NAV2: variants seen among roughly 807,000 people sequenced by gnomAD.
NAV2 encodes the protein helicase, APC down-regulated 1.
A neutral mutation model predicts 223.2 loss-of-function variants in NAV2; 54 were observed. The ratio of observed to expected loss-of-function variants is 0.24; its 90% CI spans 0.19 to 0.30. NAV2 has a LOEUF of 0.30. NAV2 is among the 10% of genes least tolerant of loss of function. The pLI is 1.00. For synonymous variants in NAV2, 1,279 were observed against 1,239.3 expected, an observed-to-expected ratio of 1.03 and a Z score of -0.67; for missense variants, 2,806 against 3,147.5, an observed-to-expected ratio of 0.89 and a Z score of 2.60.
chr11:19,630,143 C>G (rs1450148364), intron 1 of NAV2, among the ~76,000 whole-genome samples: 1 of 152,116 alleles, frequency 6.6e-6, no homozygotes, highest in Non-Finnish European at 1.5e-5. Flanking sequence ...GTATACACAG[C>G]CTGGCACAAA....
intron 1 of NAV2, among the ~76,000 whole-genome samples, chr11:19,615,745 C>T (rs972804173): frequency 3.9e-5 from 6 of 152,148 alleles, no homozygotes; most frequent in African/African-American, 7.2e-5. Context: ...TGAGCTTAAT[C>T]GTAGCAGCCT....
At chr11:20,076,505 C>A (rs1255476409) in intron 22 of NAV2, among the ~76,000 whole-genome samples, 2 of 152,208 alleles carry the variant, frequency 1.3e-5, no homozygotes, top group Non-Finnish European at 2.9e-5. Flanking sequence ...TTAGAAGATC[C>A]TAGCTGCCTA....
rs71050685 is a variant in NAV2, at chr11:19,776,632, ATGTGTG to A, written c.268-55813_268-55808del. ...TGGTTAGAGTTGTGGGGGTCAGAAA[ATGTGTG>A]TGTGTGTGTGTGTGTGTGTGTGTGT... is the stretch of plus-strand genomic sequence containing the variant. On this transcript the variant is annotated intron_variant, in intron 1 of 37. Coordinates refer to ENST00000349880, the MANE Select transcript of NAV2 (RefSeq NM_145117.5). 4.3e-3 allele frequency among the ~76,000 whole-genome samples: 281 copies of A among 64,646 alleles called. 2 individuals carry two copies. Among genetic ancestry groups the A allele is most frequent in the African/African-American group, 0.01 (159 of 15,214 alleles). 42.4% of individuals were successfully genotyped at this position (64,646 alleles called of 152,430 possible). A position where few individuals can be genotyped will look rare whatever the true frequency, so the allele number is the denominator to read the frequency against.
intron 1 of NAV2, among the ~76,000 whole-genome samples, chr11:19,552,005 G>A (rs546014012): frequency 1.3e-5 from 2 of 152,110 alleles, no homozygotes; most frequent in East Asian, 3.9e-4. Flanking sequence ...AGGCCTGCAG[G>A]CTCCCTTCCC....
intron 1 of NAV2, among the ~76,000 whole-genome samples, chr11:19,689,271 A>G (rs1348672347): frequency 6.6e-6 from 1 of 152,232 alleles, no homozygotes; most frequent in Non-Finnish European, 1.5e-5. Context: ...AGTGCAAATT[A>G]TATTCAAGGG....
In NAV2 at chr11:20,119,060, T is replaced by C. The variant is rs1003977003; in HGVS notation, c.*802T>C. 1 of 99,786 alleles carries C rather than the reference T, an allele frequency of 1.0e-5. No homozygotes were observed. Among genetic ancestry groups the C allele is most frequent in the African/African-American group, 3.0e-5 (1 of 32,866 alleles). 6.2% of individuals were successfully genotyped at this position (99,786 alleles called of 1,614,324 possible). On this transcript the variant is annotated 3_prime_UTR_variant, in exon 38 of 38. Transcript: ENST00000349880. ...TCTTTCCTTCTGATATATGAATGAA[T>C]CAGGTTTTTTTTTTTTTTTTTCTGC...
Position 19,986,312 on chromosome 11 carries a change from A to G in NAV2, c.2768+2065A>G, listed in dbSNP as rs551637624. ...TCTCTCCAGACTGGAATGCTCCGATATGATCATTTATTTAAAACTGAATGA... is the reference window on the plus strand; with the variant it reads ...TCTCTCCAGACTGGAATGCTCCGATGTGATCATTTATTTAAAACTGAATGA... On this transcript the variant is annotated intron_variant, in intron 11 of 37. Coordinates refer to ENST00000349880, the MANE Select transcript of NAV2 (RefSeq NM_145117.5). 5.3e-5 allele frequency among the ~76,000 whole-genome samples: 8 copies of G among 152,306 alleles called. No individual in the cohort carries two copies. In the East Asian group the frequency reaches 1.5e-3, roughly 29 times the overall value.
At chr11:19,846,600 T>C (rs1012231205) in intron 3 of NAV2, among the ~76,000 whole-genome samples, 42 of 151,464 alleles carry the variant, frequency 2.8e-4, no homozygotes, top group Non-Finnish European at 8.9e-5. Context: ...TTAGCACTAA[T>C]ACGCATCTAC....
chr11:19,683,744 T>G (rs1176620902), intron 1 of NAV2, among the ~76,000 whole-genome samples: 1 of 152,136 alleles, frequency 6.6e-6, no homozygotes, highest in East Asian at 1.9e-4. Context: ...CATGAGCAAG[T>G]CATTCAGCCC....
intron 14 of NAV2, 74 bp from the exon 15 acceptor site, chr11:20,048,654 C>A: frequency 7.8e-7 from 1 of 1,287,074 alleles, no homozygotes. Context: ...ACTCCTCTGC[C>A]CTACCCTTCT....
intron 1 of NAV2, among the ~76,000 whole-genome samples, chr11:19,499,487 CTGGCACAGGCACTTAAGTATG>C (rs1467134048): frequency 6.6e-6 from 1 of 152,174 alleles, no homozygotes; most frequent in Admixed American, 6.5e-5. Context: ...TGAGCAGTGC[CTGGCACAGGCACTTAAGTATG>C]TGTTGAGTCA....
chr11:19,922,941 T>C (rs1014224121), intron 6 of NAV2, among the ~76,000 whole-genome samples: 6 of 152,216 alleles, frequency 3.9e-5, no homozygotes, highest in South Asian at 4.1e-4. Context: ...TAACTGTTGA[T>C]AGAAATCTTT....
intron 1 of NAV2, among the ~76,000 whole-genome samples, chr11:19,554,081 C>T (rs551644570): frequency 1.3e-4 from 20 of 152,280 alleles, no homozygotes; most frequent in Non-Finnish European, 2.5e-4. Flanking sequence ...TGAAATTCTG[C>T]GCTCTAAGCC....
chr11:19,571,430 G>T (rs1375851880), intron 1 of NAV2, among the ~76,000 whole-genome samples: 1 of 152,210 alleles, frequency 6.6e-6, no homozygotes, highest in Non-Finnish European at 1.5e-5. Context: ...AAACTTTTCG[G>T]CTAGGCACAG....
At chr11:19,388,725 C>A (rs1849137210) in intron 1 of NAV2, among the ~76,000 whole-genome samples, 1 of 152,142 alleles carries the variant, frequency 6.6e-6, no homozygotes. Context: ...TCTGTGAAAT[C>A]TTATTCTGTT....
intron 1 of NAV2, among the ~76,000 whole-genome samples, chr11:19,613,595 T>A (rs1394743209): frequency 6.6e-6 from 1 of 152,208 alleles, no homozygotes; most frequent in East Asian, 1.9e-4. Context: ...GATCTGAACT[T>A]GGCTTCTATG....
At chr11:19,904,335 G>A (rs985396332) in intron 6 of NAV2, among the ~76,000 whole-genome samples, 1 of 152,116 alleles carries the variant, frequency 6.6e-6, no homozygotes, top group Non-Finnish European at 1.5e-5. Flanking sequence ...TGCCTGCATG[G>A]AACTTAAAGT....
chr11:19,731,331 C>T (rs2051750345), intron 1 of NAV2, among the ~76,000 whole-genome samples: 1 of 152,366 alleles, frequency 6.6e-6, no homozygotes, highest in African/African-American at 2.4e-5. Context: ...TTCTCCCTGG[C>T]TCCCACAGTG....
At position 19,482,825 on chromosome 11, in the gene NAV2, C is replaced by G. The variant is rs545779896; in HGVS notation, c.75+131798C>G. On this transcript the variant is annotated intron_variant, in intron 1 of 37. Coordinates refer to the NAV2 transcript ENST00000360655. ...TTAAGGCAGTTGGGATCAATTTCAG[C>G]CTTTCCCTAAGTGCCAGTGTGCTGG... Among the ~76,000 whole-genome samples, 10 of 152,288 alleles carry G rather than the reference C, an allele frequency of 6.6e-5. No homozygotes were observed. The South Asian group carries it at 2.1e-3, about 32-fold the overall frequency.
Sources: gnomAD v4.1 joint callset for allele counts (sites outside exome capture counted in the v4.1 genomes callset) on GRCh38, gnomAD v4.1.1 for gene constraint, MANE v1.5 for transcripts, NCBI Gene and HGNC (gene_info 2026-07-23, HGNC 2026-07-21) for gene names.